Variants in SLC39A10 observed in about 807,000 individuals in gnomAD.
SLC39A10 encodes the protein zinc transporter ZIP10.
Under a neutral mutation model 65.1 loss-of-function variants are expected in SLC39A10, and 13 were observed. The observed-to-expected ratio is 0.20, with a 90% CI of 0.13 to 0.32. The LOEUF is 0.32. SLC39A10 is among the 10% of genes least tolerant of loss of function. SLC39A10 has a pLI of 1.00. For missense variants in SLC39A10, 831 were observed against 1,018.4 expected (o/e 0.82, Z 2.50); for synonymous variants, 321 against 342.2 (o/e 0.94, Z 0.68).
intron 2 of SLC39A10, among the ~76,000 whole-genome samples, chr2:195,645,587 C>T (rs1385489314): frequency 2.0e-5 from 3 of 152,144 alleles, no homozygotes. Context: ...TTCCCATTCC[C>T]CATTTCTTTC....
intron 4 of SLC39A10, 93 bp downstream of exon 4, chr2:195,706,878 G>T: frequency 1.2e-6 from 1 of 831,040 alleles, no homozygotes; most frequent in East Asian, 3.3e-5. Flanking sequence ...CAGTAATCTA[G>T]TATTTGTATT....
chr2:195,725,872 C>T (rs531540627), intron 8 of SLC39A10, among the ~76,000 whole-genome samples: 5 of 152,252 alleles, frequency 3.3e-5, no homozygotes, highest in African/African-American at 1.2e-4. Flanking sequence ...ATACTGTGTG[C>T]TTCCATTTAG....
chr2:195,648,714 G>C (rs564681501), intron 2 of SLC39A10, among the ~76,000 whole-genome samples: 1 of 152,236 alleles, frequency 6.6e-6, no homozygotes, highest in South Asian at 2.1e-4. Context: ...GTTGGATAAT[G>C]TAAGAGTTAA....
At chr2:195,674,463 G>A (rs1690000866) in intron 1 of SLC39A10, 1 of 339,654 alleles carries the variant, frequency 2.9e-6, no homozygotes, top group South Asian at 1.2e-4. Flanking sequence ...TTTTAGTAGA[G>A]ATGGGGTTTC....
intron 1 of SLC39A10, among the ~76,000 whole-genome samples, chr2:195,666,337 G>A (rs1689635655): frequency 6.6e-6 from 1 of 152,140 alleles, no homozygotes; most frequent in Non-Finnish European, 1.5e-5. Context: ...TTTTACAATG[G>A]CAAGCTGGTA....
chr2:195,644,085 G>A (rs1044872170), intron 2 of SLC39A10, among the ~76,000 whole-genome samples: 7 of 151,722 alleles, frequency 4.6e-5, no homozygotes, highest in African/African-American at 7.3e-5. Flanking sequence ...ATAAACAGGC[G>A]TATTAGAGCT....
At position 195,626,215 on chromosome 2, in the gene SLC39A10, C is replaced by T. The variant is rs146250911; in HGVS notation, c.-12+19982C>T. On this transcript the variant is annotated intron_variant, in intron 2 of 2. Coordinates refer to the SLC39A10 transcript ENST00000458054. ...CAAGCTCTTCAAAGCTTCAGGCCTC[C>T]TCTAAATGAGGCCCTCCCTTGCACT... Among the ~76,000 whole-genome samples the T allele has an allele frequency of 3.3e-3, 495 of 152,298 alleles. 4 individuals are homozygous for T. Among genetic ancestry groups the T allele is most frequent in the African/African-American group, 0.011 (466 of 41,570 alleles).
At chr2:195,645,493 T>G (rs1167618197) in intron 2 of SLC39A10, among the ~76,000 whole-genome samples, 1 of 152,368 alleles carries the variant, frequency 6.6e-6, no homozygotes, top group East Asian at 1.9e-4. Flanking sequence ...TTAGATAGTA[T>G]ATTTGTTTAA....
intron 2 of SLC39A10, among the ~76,000 whole-genome samples, chr2:195,638,309 AAAAT>A (rs1688732516): frequency 6.6e-6 from 1 of 151,994 alleles, no homozygotes; most frequent in South Asian, 2.1e-4. Flanking sequence ...ATAACTTTAA[AAAAT>A]AAATAAGCTA....
rs563337020 is a variant in SLC39A10, at chr2:195,681,741, T to A, written c.1008+691T>A. ...AGCTAGTCTCTTACTGTTATTATTG[T>A]TAGCCATGTTCTAGGTATTTGAAAA... On this transcript the variant is annotated intron_variant, in intron 2 of 9. Coordinates refer to ENST00000359634, the MANE Select transcript of SLC39A10 (RefSeq NM_020342.3). Among the ~76,000 whole-genome samples the A allele has an allele frequency of 8.5e-5, 13 of 152,326 alleles. No homozygotes were observed. In the East Asian group the frequency reaches 2.5e-3, roughly 29 times the overall value.
intron 8 of SLC39A10, among the ~76,000 whole-genome samples, chr2:195,724,159 A>T (rs1270323788): frequency 6.6e-6 from 1 of 152,222 alleles, no homozygotes; most frequent in African/African-American, 2.4e-5. Flanking sequence ...TACATGTTTT[A>T]AAAAATCTCA....
chr2:195,663,709 AAAGAAAT>A (rs1361185546), intron 1 of SLC39A10, among the ~76,000 whole-genome samples: 26 of 107,584 alleles, frequency 2.4e-4, no homozygotes, highest in South Asian at 1.7e-3. Context: ...TATGAAAAAA[AAAGAAAT>A]AAGAGAAAAG....
In SLC39A10 at chr2:195,683,919, T is replaced by G. The variant is rs1008422479; in HGVS notation, c.1216+13T>G. On this transcript the variant is annotated intron_variant, in intron 3 of 9. Transcript: ENST00000359634. ...ATAGGGGCATCAGGTAAGAGAGATTTTAAGTTTTTTCTCCTTAAAATAGTA... is the reference window on the plus strand; with the variant it reads ...ATAGGGGCATCAGGTAAGAGAGATTGTAAGTTTTTTCTCCTTAAAATAGTA... The G allele has an allele frequency of 6.3e-7, 1 of 1,595,556 alleles. No homozygotes were observed. Among genetic ancestry groups the G allele is most frequent in the East Asian group, 2.2e-5 (1 of 44,684 alleles).
At chr2:195,664,742 G>C (rs916972512) in intron 1 of SLC39A10, among the ~76,000 whole-genome samples, 2 of 152,150 alleles carry the variant, frequency 1.3e-5, no homozygotes, top group African/African-American at 2.4e-5. Flanking sequence ...AATTTCTCTA[G>C]AAATCAATTT....
At chr2:195,677,963 G>A (rs1690159855) in intron 1 of SLC39A10, among the ~76,000 whole-genome samples, 1 of 152,042 alleles carries the variant, frequency 6.6e-6, no homozygotes, top group Non-Finnish European at 1.5e-5. Flanking sequence ...TGCTAGGCCT[G>A]TCTTAAACTC....
In SLC39A10 at chr2:195,683,155, C is replaced by CTT. The variant is rs11386545; in HGVS notation, c.1009-535_1009-534dup. ...TCCTCTTTAATCAGTTTTAAGCTTA[C>CTT]TTTTTTTTTTGTTTGTTTTTAAAGT... On this transcript the variant is annotated intron_variant, in intron 2 of 9. Transcript: ENST00000359634. 7.4e-4 allele frequency among the ~76,000 whole-genome samples: 110 copies of CTT among 148,190 alleles called. 1 individual carries two copies. Among genetic ancestry groups the CTT allele is most frequent in the East Asian group, 1.2e-3 (6 of 5,088 alleles).
intron 9 of SLC39A10, among the ~76,000 whole-genome samples, chr2:195,733,897 A>G (rs1692503671): frequency 6.6e-6 from 1 of 152,174 alleles, no homozygotes; most frequent in Non-Finnish European, 1.5e-5. Flanking sequence ...TGAAATTTTA[A>G]CAATATTAAG....
At chr2:195,671,260 C>G (rs1016052398) in intron 1 of SLC39A10, among the ~76,000 whole-genome samples, 7 of 152,206 alleles carry the variant, frequency 4.6e-5, no homozygotes, top group African/African-American at 1.7e-4. Context: ...AAATTAGCCC[C>G]ACTCTTAATG....
In SLC39A10 at chr2:195,680,398, A is replaced by T. The variant is rs1439851874; in HGVS notation, c.356A>T (p.Glu119Val). The change falls in exon 2 of 10, where the codon GAG becomes GTG. Residue 119 changes from glutamate to valine, a missense_variant. Physicochemically the swap from Glu to Val is moderately radical, Grantham distance 121. This residue lies in a region of SLC39A10 where 446 missense variants were observed against 499.2 expected (regional missense o/e 0.89). Coordinates refer to ENST00000359634, the MANE Select transcript of SLC39A10 (RefSeq NM_020342.3). ...VSHLDILAVQ[E>V]GKHFHSHNHQ... ...CATTTAGATATTTTGGCAGTTCAAG[A>T]GGGAAAGCATTTTCACTCACATAAC... 6.2e-7 allele frequency: 1 copy of T among 1,614,134 alleles called. No homozygotes were observed. The highest frequency in any genetic ancestry group is 8.5e-7 in the Non-Finnish European group (1 of 1,180,036).
Sources: gnomAD v4.1 joint callset for allele counts (sites outside exome capture counted in the v4.1 genomes callset) on GRCh38, gnomAD v4.1.1 for gene constraint, gnomAD v4.1.1 regional missense constraint, MANE v1.5 for transcripts, NCBI Gene and HGNC (gene_info 2026-07-23, HGNC 2026-07-21) for gene names.